RIMKLB: variants seen among roughly 807,000 people sequenced by gnomAD.
RIMKLB encodes ribosomal modification protein rimK like family member B, also known as beta-citrylglutamate synthase B.
In RIMKLB, 7 loss-of-function variants were observed where a neutral mutation model predicts 32.0. The ratio of observed to expected loss-of-function variants is 0.22; its 90% CI spans 0.12 to 0.41. RIMKLB has a LOEUF of 0.41. RIMKLB is among the 10% of genes least tolerant of loss of function. RIMKLB has a pLI of 1.00. For missense variants in RIMKLB, 289 were observed against 498.7 expected (o/e 0.58, Z 4.00); for synonymous variants, 172 against 185.1 (o/e 0.93, Z 0.57).
chr12:8,777,694 C>T, downstream of RIMKLB: 5 of 1,287,562 alleles, frequency 3.9e-6, no homozygotes, highest in Non-Finnish European at 5.1e-6. Flanking sequence ...GTATTGAGAA[C>T]TTTCGGGGTC....
At chr12:8,729,605 T>A (rs1035787846) in intron 2 of RIMKLB, among the ~76,000 whole-genome samples, 1 of 152,116 alleles carries the variant, frequency 6.6e-6, no homozygotes, top group African/African-American at 2.4e-5. Context: ...AACAGGGATG[T>A]AAATTCTTAC....
At chr12:8,680,074 C>A (rs1407069332), upstream of RIMKLB, among the ~76,000 whole-genome samples, 2 of 152,194 alleles carry the variant, frequency 1.3e-5, no homozygotes, top group African/African-American at 4.8e-5. Flanking sequence ...ACACTCCCAC[C>A]AACACCATGA....
chr12:8,775,029 G>T lies in RIMKLB; in HGVS notation c.*1245G>T, dbSNP rs1405255088. On this transcript the variant is annotated 3_prime_UTR_variant, in exon 6 of 6. Coordinates refer to ENST00000535829, the MANE Select transcript of RIMKLB (RefSeq NM_001297776.2). ...TTGTTTTCATAAGTAGACTCCACTG[G>T]GGTAGAGGTATTCACCTTAAAACAT... is the stretch of plus-strand genomic sequence containing the variant. The T allele has an allele frequency of 4.1e-6, 4 of 985,714 alleles. No individual in the cohort carries two copies. The highest frequency in any genetic ancestry group is 4.8e-6 in the Non-Finnish European group (4 of 829,838). 61.1% of individuals were successfully genotyped at this position (985,714 alleles called of 1,614,324 possible). A position where few individuals can be genotyped will look rare whatever the true frequency, so the allele number is the denominator to read the frequency against.
At chr12:8,781,234 G>A (rs528000639), downstream of RIMKLB, among the ~76,000 whole-genome samples, 10 of 152,280 alleles carry the variant, frequency 6.6e-5, no homozygotes, top group African/African-American at 2.2e-4. Flanking sequence ...CCAGCTACGC[G>A]GGAGGCTGAG....
chr12:8,674,091 G>C, the RIMKLB span, among the ~76,000 whole-genome samples: 1 of 152,058 alleles, frequency 6.6e-6, no homozygotes. Context: ...CAAACATGCA[G>C]TCATCTTTAG....
At chr12:8,739,194 A>G (rs1420811369) in intron 2 of RIMKLB, among the ~76,000 whole-genome samples, 1 of 152,142 alleles carries the variant, frequency 6.6e-6, no homozygotes, top group African/African-American at 2.4e-5. Context: ...GGAGGCTGGT[A>G]AGTTCGATAT....
intron 2 of RIMKLB, among the ~76,000 whole-genome samples, chr12:8,732,661 T>C (rs770992841): frequency 1.3e-5 from 2 of 152,226 alleles, no homozygotes; most frequent in South Asian, 4.1e-4. Context: ...ATAATTAAAA[T>C]GCAGACACTT....
At position 8,698,028 on chromosome 12, in the gene RIMKLB, TGAGTGTGTGGGAGTGA is replaced by T. The variant is rs1197768686; in HGVS notation, c.-310_-295del. 11 of 178,912 alleles carry T rather than the reference TGAGTGTGTGGGAGTGA, an allele frequency of 6.1e-5. No homozygotes were observed. The highest frequency in any genetic ancestry group is 2.0e-4 in the South Asian group (3 of 15,092). 11.1% of individuals were successfully genotyped at this position (178,912 alleles called of 1,614,324 possible). ...TGAGGGAACGAGGAGCGGCCGGGTG[TGAGTGTGTGGGAGTGA>T]GAGTGTGTGGGAGTGGGGTGAGGGA... On this transcript the variant is annotated 5_prime_UTR_variant, in exon 1 of 6. Transcript: ENST00000535829.
At chr12:8,695,899 G>A (rs1942874523), upstream of RIMKLB, among the ~76,000 whole-genome samples, 1 of 151,980 alleles carries the variant, frequency 6.6e-6, no homozygotes. Context: ...CTCTATGCTG[G>A]TCAGGCTGGT....
intron 5 of RIMKLB, among the ~76,000 whole-genome samples, chr12:8,768,583 C>T (rs763692106): frequency 2.0e-5 from 3 of 152,282 alleles, no homozygotes; most frequent in Non-Finnish European, 4.4e-5. Flanking sequence ...GGGGAGTTTT[C>T]AGTCTTTTCC....
At chr12:8,763,651 AACCTTGTAGCC>A (rs1206001165) in intron 5 of RIMKLB, among the ~76,000 whole-genome samples, 1 of 152,190 alleles carries the variant, frequency 6.6e-6, no homozygotes, top group Non-Finnish European at 1.5e-5. Context: ...TTGGTTTGGA[AACCTTGTAGCC>A]ACAAGTGGCG....
chr12:8,693,671 T>A (rs1375742292), upstream of RIMKLB, among the ~76,000 whole-genome samples: 1 of 152,098 alleles, frequency 6.6e-6, no homozygotes, highest in Non-Finnish European at 1.5e-5. Flanking sequence ...ATGCTGGGAT[T>A]ACACATGGGA....
At chr12:8,765,641 G>C (rs992180958) in intron 5 of RIMKLB, among the ~76,000 whole-genome samples, 2 of 152,124 alleles carry the variant, frequency 1.3e-5, no homozygotes, top group African/African-American at 2.4e-5. Flanking sequence ...CACTCTGACT[G>C]GGCCGAATTC....
At chr12:8,680,687 C>CT (rs1236607698), upstream of RIMKLB, among the ~76,000 whole-genome samples, 2 of 152,280 alleles carry the variant, frequency 1.3e-5, no homozygotes, top group South Asian at 2.1e-4. Flanking sequence ...CACCGCTATA[C>CT]TGTCTGGGTT....
At chr12:8,691,466 C>G (rs1168024112) in intron 1 of RIMKLB, among the ~76,000 whole-genome samples, 1 of 151,800 alleles carries the variant, frequency 6.6e-6, no homozygotes, top group African/African-American at 2.4e-5. Context: ...AAAAATTTGC[C>G]AGGTGCAGTG....
intron 1 of RIMKLB, among the ~76,000 whole-genome samples, chr12:8,699,381 A>G (rs1436705952): frequency 6.6e-6 from 1 of 152,134 alleles, no homozygotes; most frequent in Non-Finnish European, 1.5e-5. Context: ...AATATTGGGT[A>G]CCTTAAAGGT....
chr12:8,673,833 G>A, the RIMKLB span, among the ~76,000 whole-genome samples: 37 of 152,152 alleles, frequency 2.4e-4, no homozygotes, highest in African/African-American at 8.9e-4. Context: ...CTGACCTCAG[G>A]TGATCCGCCC....
Position 8,774,696 on chromosome 12 carries a change from T to C in RIMKLB, c.*912T>C. ...TAACAAGACACTGACTTGAAACATG[T>C]ACATTTAAAGCCTTTTATTTTTTCC... On this transcript the variant is annotated 3_prime_UTR_variant, in exon 6 of 6. Coordinates refer to ENST00000535829, the MANE Select transcript of RIMKLB (RefSeq NM_001297776.2). The C allele has an allele frequency of 1.0e-6, 1 of 985,782 alleles. No homozygotes were observed. Among genetic ancestry groups the C allele is most frequent in the Non-Finnish European group, 1.2e-6 (1 of 829,890 alleles). 61.1% of individuals were successfully genotyped at this position (985,782 alleles called of 1,614,324 possible).
At chr12:8,710,979 AAAAAAAAAAATT>A (rs1425766672) in intron 1 of RIMKLB, among the ~76,000 whole-genome samples, 7 of 151,698 alleles carry the variant, frequency 4.6e-5, no homozygotes, top group African/African-American at 1.7e-4. Flanking sequence ...AAAAAAAAAA[AAAAAAAAAAATT>A]AGAGACCGGG....
Sources: gnomAD v4.1 joint callset for allele counts (sites outside exome capture counted in the v4.1 genomes callset) on GRCh38, gnomAD v4.1.1 for gene constraint, MANE v1.5 for transcripts, NCBI Gene and HGNC (gene_info 2026-07-23, HGNC 2026-07-21) for gene names.